The following XPO7 variants were observed in gnomAD, a reference collection of about 807,000 sequenced individuals.
XPO7 encodes exportin-7.
XPO7 carries 21 observed loss-of-function variants against 144.3 expected under a neutral mutation model. The observed-to-expected ratio is 0.15, with a 90% CI of 0.10 to 0.21. The LOEUF is 0.21. Ranked by LOEUF, XPO7 falls within the 10% of genes least tolerant of loss-of-function variation. The probability of loss-of-function intolerance (pLI) is 1.00; values close to 1 mark genes in which losing one functional copy is unlikely to be tolerated. For synonymous variants in XPO7, 580 were observed against 499.6 expected, an observed-to-expected ratio of 1.16 and a Z score of -2.15; for missense variants, 808 against 1,325.8, an observed-to-expected ratio of 0.61 and a Z score of 6.06.
Position 21,929,968 on chromosome 8 carries a change from A to G in XPO7, c.18+10180A>G, listed in dbSNP as rs118084894. 6.4e-4 allele frequency among the ~76,000 whole-genome samples: 98 copies of G among 152,326 alleles called. No individual in the cohort carries two copies. The East Asian group carries it at 8.1e-3, about 13-fold the overall frequency. On this transcript the variant is annotated intron_variant, in intron 1 of 27. Coordinates refer to ENST00000252512, the MANE Select transcript of XPO7 (RefSeq NM_015024.5). ...TTTTGGTGATTCATCACTCATGTCA[A>G]TATCTCCCTAATCCATCCTAGAAAT...
At chr8:21,970,605 C>T (rs1201644490) in intron 4 of XPO7, among the ~76,000 whole-genome samples, 4 of 152,042 alleles carry the variant, frequency 2.6e-5, no homozygotes, top group East Asian at 1.9e-4. Context: ...GCATTTCTTT[C>T]GAGTGTTAAA....
intron 1 of XPO7, among the ~76,000 whole-genome samples, chr8:21,935,830 A>T (rs1429800910): frequency 6.6e-6 from 1 of 151,922 alleles, no homozygotes; most frequent in East Asian, 1.9e-4. Flanking sequence ...TATGGGCAAG[A>T]TATCTTTCTC....
rs1451110031 is a variant in XPO7, at chr8:21,987,740, G to T, written c.1714-44G>T. ...ACAAAAATAGTACCAGGATGTGATT[G>T]TTGTAATTCATGTGTTCTGGTTACT... On this transcript the variant is annotated intron_variant, in intron 14 of 27. Coordinates refer to ENST00000252512, the MANE Select transcript of XPO7 (RefSeq NM_015024.5). 9.4e-6 allele frequency: 15 copies of T among 1,602,946 alleles called. No individual in the cohort carries two copies. The African/African-American group carries it at 1.2e-4, about 13-fold the overall frequency.
chr8:21,926,089 A>G (rs1041098370), intron 1 of XPO7, among the ~76,000 whole-genome samples: 1 of 152,194 alleles, frequency 6.6e-6, no homozygotes, highest in East Asian at 1.9e-4. Flanking sequence ...GTAGGCTGAG[A>G]AATGATTCTC....
chr8:21,942,354 T>C (rs1221388767), intron 1 of XPO7, among the ~76,000 whole-genome samples: 1 of 152,226 alleles, frequency 6.6e-6, no homozygotes, highest in Non-Finnish European at 1.5e-5. Context: ...TTTTAGAATA[T>C]GTGATTCATT....
intron 1 of XPO7, among the ~76,000 whole-genome samples, chr8:21,931,473 C>T (rs1031884): frequency 0.56 from 85,789 of 152,062 alleles, 24,710 homozygotes; most frequent in African/African-American, 0.69. Context: ...TATTAACTTA[C>T]AGCAACCGCA....
At position 22,002,331 on chromosome 8, in the gene XPO7, G is replaced by C. The variant is rs1813178550; in HGVS notation, c.2943+59G>C. On this transcript the variant is annotated intron_variant, in intron 25 of 27. Coordinates refer to ENST00000252512, the MANE Select transcript of XPO7 (RefSeq NM_015024.5). The stretch of plus-strand genomic sequence containing the variant: ...GGTGTCCGACAGAGGAAGGACCTCT[G>C]CAAGACAGGGGAGCCCACACACGAT... 1.9e-6 allele frequency: 3 copies of C among 1,565,348 alleles called. No individual in the cohort carries two copies. The South Asian group carries it at 3.5e-5, about 18-fold the overall frequency.
chr8:21,924,716 T>C (rs749223164), intron 1 of XPO7, among the ~76,000 whole-genome samples: 2 of 152,204 alleles, frequency 1.3e-5, no homozygotes, highest in Non-Finnish European at 2.9e-5. Context: ...AGTTTAAATA[T>C]ATGTTTCTTT....
chr8:21,935,850 ATCTC>A (rs1225721020), intron 1 of XPO7, among the ~76,000 whole-genome samples: 6 of 151,054 alleles, frequency 4.0e-5, no homozygotes, highest in Non-Finnish European at 7.4e-5. Context: ...CTCTCTCTCA[ATCTC>A]TCTCTCTCTG....
intron 1 of XPO7, chr8:21,966,383 A>G (rs539430867): frequency 2.4e-5 from 18 of 759,024 alleles, no homozygotes; most frequent in Non-Finnish European, 3.4e-5. Flanking sequence ...ACGCATATAC[A>G]TTATTGTAAG....
rs1810190808 is a variant in XPO7 at position 21,919,690 on chromosome 8, G to C, written c.-81G>C. Reference sequence around the variant, plus strand: ...GCGCAGGCGCAGCGGCGACGGCGTCGGCGGCGGCGGCGGCAGCGGCTCCGG... The same window carrying C: ...GCGCAGGCGCAGCGGCGACGGCGTCCGCGGCGGCGGCGGCAGCGGCTCCGG... On this transcript the variant is annotated 5_prime_UTR_variant, in exon 1 of 28. Coordinates refer to ENST00000252512, the MANE Select transcript of XPO7 (RefSeq NM_015024.5). The C allele has an allele frequency of 5.3e-6, 1 of 189,960 alleles. No individual in the cohort carries two copies. The highest frequency in any genetic ancestry group is 1.1e-5 in the Non-Finnish European group (1 of 88,322). 11.8% of individuals were successfully genotyped at this position (189,960 alleles called of 1,614,324 possible).
At chr8:21,948,095 T>C (rs1811250119) in intron 1 of XPO7, among the ~76,000 whole-genome samples, 1 of 152,214 alleles carries the variant, frequency 6.6e-6, no homozygotes, top group South Asian at 2.1e-4. Flanking sequence ...ACCAAATTTG[T>C]AATACCTCTT....
Position 21,941,388 on chromosome 8 carries a change from G to A in XPO7, c.18+21600G>A, listed in dbSNP as rs182203716. ...GCTGGTCTCAAACTCCTGGGGTCAAGCAACCCTCTCGCCTTGGCCTTCCAA... is the reference window on the plus strand; with the variant it reads ...GCTGGTCTCAAACTCCTGGGGTCAAACAACCCTCTCGCCTTGGCCTTCCAA... On this transcript the variant is annotated intron_variant, in intron 1 of 27. Coordinates refer to ENST00000252512, the MANE Select transcript of XPO7 (RefSeq NM_015024.5). Among the ~76,000 whole-genome samples, 233 of 152,240 alleles carry A rather than the reference G, an allele frequency of 1.5e-3. 3 individuals are homozygous for A. Among genetic ancestry groups the A allele is most frequent in the Non-Finnish European group, 1.6e-3 (110 of 68,010 alleles).
At chr8:21,945,368 A>T (rs1811158645) in intron 1 of XPO7, among the ~76,000 whole-genome samples, 1 of 152,242 alleles carries the variant, frequency 6.6e-6, no homozygotes. Context: ...GGGGTAGATT[A>T]TTTGATAAGA....
chr8:21,939,019 T>G (rs1810906021), intron 1 of XPO7, among the ~76,000 whole-genome samples: 1 of 152,178 alleles, frequency 6.6e-6, no homozygotes, highest in African/African-American at 2.4e-5. Flanking sequence ...AGATTTTATT[T>G]ACATTATTTT....
chr8:21,931,917 G>A (rs186076586), intron 1 of XPO7, among the ~76,000 whole-genome samples: 91 of 152,288 alleles, frequency 6.0e-4, no homozygotes, highest in African/African-American at 2.1e-3. Flanking sequence ...TTGTTGCCTA[G>A]GTTGGAGTGC....
At chr8:22,002,688 C>T (rs1285144963) in intron 25 of XPO7, among the ~76,000 whole-genome samples, 1 of 152,164 alleles carries the variant, frequency 6.6e-6, no homozygotes, top group Non-Finnish European at 1.5e-5. Context: ...AAACCATATG[C>T]TTGCCCTTAT....
chr8:21,987,023 T>C, intron 13 of XPO7, 118 bp from the exon 14 acceptor site: 4 of 1,414,440 alleles, frequency 2.8e-6, no homozygotes, highest in Non-Finnish European at 3.9e-6. Context: ...ATGAATTTGG[T>C]TGCAGGAGGT....
intron 12 of XPO7, among the ~76,000 whole-genome samples, 161 bp downstream of exon 12, chr8:21,985,000 A>G (rs1812532742): frequency 6.6e-6 from 1 of 152,208 alleles, no homozygotes; most frequent in South Asian, 2.1e-4. Context: ...AAATCCCTCA[A>G]GGGACTAGGG....
Sources: gnomAD v4.1 joint callset for allele counts (sites outside exome capture counted in the v4.1 genomes callset) on GRCh38, gnomAD v4.1.1 for gene constraint, MANE v1.5 for transcripts, NCBI Gene and HGNC (gene_info 2026-07-23, HGNC 2026-07-21) for gene names.